The following C4orf50 variants were observed in gnomAD, a reference collection of about 807,000 sequenced individuals.
C4orf50 encodes the protein uncharacterized protein C4orf50.
C4orf50 carries 80 observed loss-of-function variants against 77.2 expected under a neutral mutation model. That is an observed-to-expected ratio of 1.04 (90% CI 0.87 to 1.25). C4orf50 has a LOEUF of 1.25. Ranked by LOEUF, C4orf50 falls within the 50% of genes most tolerant of loss-of-function variation. The pLI, the probability that C4orf50 is intolerant of heterozygous loss-of-function variation, is 0.00. For synonymous variants in C4orf50, 532 were observed against 465.3 expected (o/e 1.14, Z -1.84); for missense variants, 1,257 against 1,152.9 (o/e 1.09, Z -1.31).
intron 25 of C4orf50, among the ~76,000 whole-genome samples, chr4:6,004,026 T>TAGTGATGATAGTGATGATG: frequency 7.3e-5 from 1 of 13,762 alleles, no homozygotes; most frequent in East Asian, 2.1e-3. Context: ...ATGGTGATAA[T>TAGTGATGATAGTGATGATG]GTGATAGTGA....
At position 5,925,216 on chromosome 4, in the gene C4orf50, G is replaced by A. The variant is rs184354764; in HGVS notation, c.*2475-27028C>T. Among the ~76,000 whole-genome samples, 881 of 152,120 alleles carry A rather than the reference G, an allele frequency of 5.8e-3. 4 individuals carry two copies. The highest frequency in any genetic ancestry group is 9.2e-3 in the Non-Finnish European group (627 of 67,984). On this transcript the variant is annotated intron_variant, in intron 7 of 7. Transcript: ENST00000324058. ...GAGGGCCTTCTGAGATGGGCAGAGG[G>A]AAGGGATATGGCGCTCGGCAAGGGG...
In C4orf50 at chr4:5,935,658, C is replaced by A. The variant is rs532686496; in HGVS notation, c.*2474+21243G>T. 4.6e-5 allele frequency among the ~76,000 whole-genome samples: 7 copies of A among 151,774 alleles called. 1 individual carries two copies. The South Asian group carries it at 1.3e-3, about 27-fold the overall frequency. On this transcript the variant is annotated intron_variant, in intron 7 of 7. Transcript: ENST00000324058. Reference sequence around the variant, plus strand: ...AAAATTAGCTGGGTGTGGTGGCGGGCGCCTATAGTCCCAGCTACTCGGGAG... The same window carrying A: ...AAAATTAGCTGGGTGTGGTGGCGGGAGCCTATAGTCCCAGCTACTCGGGAG...
intron 7 of C4orf50, chr4:5,902,407 A>C (rs1716378753): frequency 6.6e-6 from 1 of 152,172 alleles, no homozygotes; most frequent in East Asian, 1.9e-4. Flanking sequence ...CGTCAAGCTT[A>C]GGTTTTGAAA....
rs1351163023 is a variant in C4orf50 at position 6,007,556 on chromosome 4, T to C, written c.963+440A>G. ...TTTCTGTTATTTATAAGCCACCATC[T>C]ATGGTATTTTTTATAAAAGCCCAAA... On this transcript the variant is annotated intron_variant, in intron 25 of 33. Coordinates refer to ENST00000531445, the Ensembl canonical transcript of C4orf50. This position sits in a 1 kb window ranked among gnomAD's most constrained non-coding sequence, Gnocchi z 4.1. Among the ~76,000 whole-genome samples the C allele has an allele frequency of 1.3e-5, 2 of 152,160 alleles. No individual in the cohort carries two copies. Among genetic ancestry groups the C allele is most frequent in the Non-Finnish European group, 1.5e-5 (1 of 68,042 alleles).
chr4:5,954,571 C>T (rs536523434), downstream of C4orf50, among the ~76,000 whole-genome samples: 599 of 152,196 alleles, frequency 3.9e-3, 5 homozygotes, highest in African/African-American at 0.014. This position sits in a 1 kb window ranked among gnomAD's most constrained non-coding sequence, Gnocchi z 4.7. Flanking sequence ...GACCTCCATT[C>T]CCACCTAGGC....
rs1721799164 is a variant in C4orf50 at position 6,000,854 on chromosome 4, C to T, written c.964-6378G>A. Among the ~76,000 whole-genome samples, 2 of 152,182 alleles carry T rather than the reference C, an allele frequency of 1.3e-5. No individual in the cohort carries two copies. Among genetic ancestry groups the T allele is most frequent in the Non-Finnish European group, 2.9e-5 (2 of 68,034 alleles). ...GGCAAATCCTGGTCCCACCATATTA[C>T]CGTCTGAATTTTCATGTCCCCCCAA... is the stretch of plus-strand genomic sequence containing the variant. On this transcript the variant is annotated intron_variant, in intron 25 of 33. Transcript: ENST00000531445. The surrounding 1 kb of genome is among the most constrained non-coding windows in gnomAD (Gnocchi z 6.0).
chr4:5,920,197 C>T (rs911101557), intron 7 of C4orf50, among the ~76,000 whole-genome samples: 2 of 152,176 alleles, frequency 1.3e-5, no homozygotes, highest in Non-Finnish European at 2.9e-5. Context: ...ACTCTATGTG[C>T]ATTAGTGTTT....
chr4:5,990,669 C>A (rs1039908521), exon 28 of C4orf50: 1 of 399,202 alleles, frequency 2.5e-6, no homozygotes, highest in Non-Finnish European at 4.4e-6. Flanking sequence ...ATGTCTGCAC[C>A]AGGAGAAAGG....
intron 7 of C4orf50, among the ~76,000 whole-genome samples, chr4:5,941,918 T>C (rs1718285198): frequency 6.6e-6 from 1 of 152,154 alleles, no homozygotes; most frequent in African/African-American, 2.4e-5. Flanking sequence ...AAATACCCCA[T>C]TTCCTTTCTT....
chr4:5,958,742 T>A lies in C4orf50; in HGVS notation c.*633A>T, dbSNP rs1344413300. 1.3e-5 allele frequency: 2 copies of A among 152,264 alleles called. No homozygotes were observed. The highest frequency in any genetic ancestry group is 2.9e-5 in the Non-Finnish European group (2 of 68,100). 9.4% of individuals were successfully genotyped at this position (152,264 alleles called of 1,614,324 possible). ...ACTGATTAGAAAGTTCTGGTTAGTT[T>A]TAATGTTTTTAAATGTAAAATATAT... On this transcript the variant is annotated 3_prime_UTR_variant, in exon 34 of 34. Coordinates refer to ENST00000531445, the Ensembl canonical transcript of C4orf50. This position sits in a 1 kb window ranked among gnomAD's most constrained non-coding sequence, Gnocchi z 5.4.
At chr4:5,979,801 T>A (rs1475743999) in intron 29 of C4orf50, among the ~76,000 whole-genome samples, 1 of 152,260 alleles carries the variant, frequency 6.6e-6, no homozygotes, top group East Asian at 1.9e-4. Context: ...TAAACGTGTG[T>A]GTCTGCGTGT....
intron 31 of C4orf50, among the ~76,000 whole-genome samples, chr4:5,971,876 A>C (rs1197891479): frequency 6.6e-6 from 1 of 152,150 alleles, no homozygotes; most frequent in Non-Finnish European, 1.5e-5. Flanking sequence ...AGGGCCTGTG[A>C]GAGTGAGGAG....
chr4:5,964,787 A>T (rs2108766964), intron 33 of C4orf50, among the ~76,000 whole-genome samples: 1 of 147,816 alleles, frequency 6.8e-6, no homozygotes, highest in East Asian at 1.9e-4. Context: ...AAAAAAAAAA[A>T]AAATGTCACC....
exon 34 of C4orf50, chr4:5,959,064 T>G: frequency 3.8e-6 from 1 of 261,338 alleles, no homozygotes; most frequent in East Asian, 7.9e-5. Context: ...CATGGCCAGA[T>G]TTTCCCTGGG....
At position 5,970,600 on chromosome 4, in the gene C4orf50, C is replaced by A. The variant is rs920970723; in HGVS notation, c.4104+3059G>T. Among the ~76,000 whole-genome samples, 2 of 152,156 alleles carry A rather than the reference C, an allele frequency of 1.3e-5. No individual in the cohort carries two copies. Among genetic ancestry groups the A allele is most frequent in the African/African-American group, 4.8e-5 (2 of 41,446 alleles). The stretch of plus-strand genomic sequence containing the variant: ...ACACCACATGCCTGCAGAAAGGGCA[C>A]TGGGGCCAAACCGACTCTGAGGCTC... On this transcript the variant is annotated intron_variant, in intron 31 of 33. Coordinates refer to ENST00000531445, the Ensembl canonical transcript of C4orf50. The surrounding 1 kb of genome is among the most constrained non-coding windows in gnomAD (Gnocchi z 4.3).
chr4:5,948,382 G>C (rs1718572159), intron 7 of C4orf50, among the ~76,000 whole-genome samples: 1 of 152,244 alleles, frequency 6.6e-6, no homozygotes, highest in Non-Finnish European at 1.5e-5. Flanking sequence ...GAGATAGCCA[G>C]GGCTGGGCGT....
At chr4:5,922,441 CACTT>C (rs2108738886) in intron 7 of C4orf50, among the ~76,000 whole-genome samples, 1 of 152,334 alleles carries the variant, frequency 6.6e-6, no homozygotes, top group African/African-American at 2.4e-5. Context: ...TCCAATTTGT[CACTT>C]ACTTATCGAA....
chr4:5,922,941 C>T (rs1195679008), intron 7 of C4orf50, among the ~76,000 whole-genome samples: 1 of 152,204 alleles, frequency 6.6e-6, no homozygotes, highest in Non-Finnish European at 1.5e-5. Context: ...GCTTCTCTCC[C>T]AGCTGCCCTA....
downstream of C4orf50, among the ~76,000 whole-genome samples, chr4:5,953,341 C>T (rs1718810861): frequency 6.6e-6 from 1 of 152,164 alleles, no homozygotes; most frequent in Non-Finnish European, 1.5e-5. Context: ...CTACAGTTGA[C>T]TTACACAGAG....
Sources: allele counts gnomAD v4.1 joint callset (sites outside exome capture counted in the v4.1 genomes callset), GRCh38; gene constraint gnomAD v4.1.1; non-coding constraint Gnocchi (gnomAD v3.1); transcripts MANE v1.5; gene names NCBI Gene and HGNC (gene_info 2026-07-23, HGNC 2026-07-21).